TRIM4: variants seen among roughly 807,000 people sequenced by gnomAD.
TRIM4 encodes the protein tripartite motif containing 4, also known as E3 ubiquitin-protein ligase TRIM4.
In TRIM4, 29 loss-of-function variants were observed where a neutral mutation model predicts 33.7. The ratio of observed to expected loss-of-function variants is 0.86; its 90% CI spans 0.64 to 1.17. The LOEUF is 1.17. Among genes scored for constraint, TRIM4 ranks in the 50% most tolerant of loss-of-function variants. The pLI, the probability that TRIM4 is intolerant of heterozygous loss-of-function variation, is 0.00. For missense variants in TRIM4, 554 were observed against 593.7 expected (o/e 0.93, Z 0.69); for synonymous variants, 224 against 233.0 (o/e 0.96, Z 0.35).
chr7:99,899,538 C>T (rs1392436219), intron 5 of TRIM4, among the ~76,000 whole-genome samples: 2 of 152,160 alleles, frequency 1.3e-5, no homozygotes, highest in Non-Finnish European at 2.9e-5. Context: ...ATCAGTCTCC[C>T]TTCAAGTGAT....
chr7:99,912,547 T>A (rs1018764713), intron 1 of TRIM4, among the ~76,000 whole-genome samples: 20 of 124,560 alleles, frequency 1.6e-4, no homozygotes, highest in African/African-American at 4.6e-4. Context: ...AAAAAAATAA[T>A]ACCATAAACA....
At chr7:99,908,000 T>C (rs1819347668) in intron 3 of TRIM4, among the ~76,000 whole-genome samples, 2 of 152,254 alleles carry the variant, frequency 1.3e-5, no homozygotes, top group South Asian at 4.1e-4. Context: ...ACAGAGGATA[T>C]AAAGGTAAAG....
intron 5 of TRIM4, among the ~76,000 whole-genome samples, chr7:99,895,993 C>T (rs1320378790): frequency 2.6e-5 from 4 of 151,568 alleles, no homozygotes; most frequent in South Asian, 2.1e-4. Flanking sequence ...TTTTGATTAG[C>T]GCATGCAGAC....
At chr7:99,914,922 G>A (rs1819520860) in intron 1 of TRIM4, among the ~76,000 whole-genome samples, 1 of 151,598 alleles carries the variant, frequency 6.6e-6, no homozygotes. Flanking sequence ...CAATTCTCCT[G>A]CCTCAGCCTC....
chr7:99,918,852 C>T (rs1279629008), intron 1 of TRIM4, among the ~76,000 whole-genome samples, 157 bp downstream of exon 1: 1 of 152,196 alleles, frequency 6.6e-6, no homozygotes, highest in African/African-American at 2.4e-5. Context: ...AACCCTAGCT[C>T]TGAAATTCGT....
chr7:99,904,877 C>T (rs1819260637), intron 3 of TRIM4, among the ~76,000 whole-genome samples: 1 of 151,724 alleles, frequency 6.6e-6, no homozygotes, highest in Non-Finnish European at 1.5e-5. Context: ...ACTAAAACTA[C>T]AAAAATTAGA....
chr7:99,901,416 C>T (rs1381322461), intron 5 of TRIM4: 4 of 152,218 alleles, frequency 2.6e-5, no homozygotes, highest in Non-Finnish European at 4.4e-5. Flanking sequence ...TTATGGGTCA[C>T]TGCTTTCCTA....
At chr7:99,894,672 C>CA (rs779056387) in intron 5 of TRIM4, among the ~76,000 whole-genome samples, 33 of 125,728 alleles carry the variant, frequency 2.6e-4, no homozygotes, top group East Asian at 6.1e-4. Context: ...ATCCCCCCCC[C>CA]AAAAAAAAAA....
At chr7:99,906,656 A>C (rs991976447) in intron 3 of TRIM4, among the ~76,000 whole-genome samples, 10 of 152,138 alleles carry the variant, frequency 6.6e-5, no homozygotes, top group African/African-American at 2.2e-4. Context: ...AGTTGAGAAA[A>C]GAGCTAGAGA....
At chr7:99,911,387 T>C (rs2151650701) in intron 1 of TRIM4, among the ~76,000 whole-genome samples, 1 of 152,260 alleles carries the variant, frequency 6.6e-6, no homozygotes, top group African/African-American at 2.4e-5. Context: ...AACTAGTGAA[T>C]AGTGTCAAAT....
intron 5 of TRIM4, among the ~76,000 whole-genome samples, chr7:99,893,461 CTT>C (rs1818943202): frequency 6.6e-6 from 1 of 152,172 alleles, no homozygotes; most frequent in South Asian, 2.1e-4. Context: ...AATGAGGTCT[CTT>C]TTCACGGGTT....
At chr7:99,918,964 G>T (rs772930862) in intron 1 of TRIM4, 45 bp downstream of exon 1, 1 of 1,552,010 alleles carries the variant, frequency 6.4e-7, no homozygotes, top group Non-Finnish European at 8.7e-7. Context: ...ACTTTATCGG[G>T]CAACACTGAC....
rs1819029673 is a variant in TRIM4 at position 99,896,974 on chromosome 7, C to T, written c.842-4228G>A. On this transcript the variant is annotated intron_variant, in intron 5 of 5. Coordinates refer to ENST00000349062, the MANE Select transcript of TRIM4 (RefSeq NM_033091.3). The stretch of plus-strand genomic sequence containing the variant: ...GGTGTACCACTTACAAGATGAGCTG[C>T]AACTAGGGAGATATTAGCTCAGGCT... 2.0e-5 allele frequency among the ~76,000 whole-genome samples: 3 copies of T among 152,330 alleles called. No homozygotes were observed. The South Asian group carries it at 6.2e-4, about 32-fold the overall frequency.
intron 1 of TRIM4, among the ~76,000 whole-genome samples, chr7:99,917,613 G>A (rs1340078613): frequency 6.6e-6 from 1 of 152,182 alleles, no homozygotes; most frequent in Non-Finnish European, 1.5e-5. Context: ...CAGCTACTCG[G>A]TAAGCTGAGG....
At position 99,919,225 on chromosome 7, in the gene TRIM4, G is replaced by T. The variant is rs1486695955; in HGVS notation, c.177C>A (p.Ala59=). The change falls in exon 1 of 6, where the codon GCC becomes GCA. Residue 59 remains alanine (A), a synonymous_variant. Coordinates refer to ENST00000349062, the MANE Select transcript of TRIM4 (RefSeq NM_033091.3). The part of the protein sequence containing the change: ...CPECRHPSAP[A]ALRPNWALAR... ...CCAGGGCCCAGTTGGGTCGCAGCGC[G>T]GCGGGCGCCGATGGGTGCCGACATT... is the stretch of plus-strand genomic sequence containing the variant. The T allele has an allele frequency of 6.6e-7, 1 of 1,520,490 alleles. No individual in the cohort carries two copies. The allele number at this position is 1,520,490 out of a possible 1,614,324, so 94.2% of individuals were successfully genotyped here.
At chr7:99,904,034 T>C (rs1819239139) in intron 3 of TRIM4, among the ~76,000 whole-genome samples, 2 of 152,196 alleles carry the variant, frequency 1.3e-5, no homozygotes, top group South Asian at 4.1e-4. Context: ...TTTCTACAGG[T>C]GAATTTTACT....
chr7:99,912,053 T>C (rs985027221), intron 1 of TRIM4, among the ~76,000 whole-genome samples: 3 of 152,102 alleles, frequency 2.0e-5, no homozygotes, highest in African/African-American at 7.2e-5. Flanking sequence ...AAACCTAATT[T>C]GTGTTTGAAA....
intron 4 of TRIM4, 69 bp downstream of exon 4, chr7:99,903,507 T>C: frequency 1.3e-6 from 2 of 1,598,352 alleles, no homozygotes; most frequent in Admixed American, 3.3e-5. Context: ...CTAGGCCTTG[T>C]TTCCCCTCTG....
chr7:99,903,495 T>C, intron 4 of TRIM4, 81 bp downstream of exon 4: 1 of 1,569,970 alleles, frequency 6.4e-7, no homozygotes, highest in Admixed American at 1.7e-5. Context: ...GACCTATGGA[T>C]CCTAGGCCTT....
Sources: allele counts gnomAD v4.1 joint callset (sites outside exome capture counted in the v4.1 genomes callset), GRCh38; gene constraint gnomAD v4.1.1; transcripts MANE v1.5; gene names NCBI Gene and HGNC (gene_info 2026-07-23, HGNC 2026-07-21).